The following ARFGEF2 variants were observed in gnomAD, a reference collection of about 807,000 sequenced individuals.
ARFGEF2 encodes the protein ARF guanine nucleotide exchange factor 2, also known as brefeldin A-inhibited guanine nucleotide-exchange protein 2.
In ARFGEF2, 74 loss-of-function variants were observed where a neutral mutation model predicts 219.9. That is an observed-to-expected ratio of 0.34 (90% confidence interval 0.28 to 0.41). The LOEUF is 0.41. Among genes scored for constraint, ARFGEF2 ranks in the 10% least tolerant of loss-of-function variants. The pLI is 1.00. For synonymous variants in ARFGEF2, 733 were observed against 799.2 expected, an observed-to-expected ratio of 0.92 and a Z score of 1.40; for missense variants, 1,743 against 2,218.3, an observed-to-expected ratio of 0.79 and a Z score of 4.30.
chr20:49,031,935 T>G, intron 37 of ARFGEF2, 114 bp from the exon 38 acceptor site: 1 of 901,856 alleles, frequency 1.1e-6, no homozygotes, highest in South Asian at 1.4e-5. Flanking sequence ...AAAAAGTAAT[T>G]AAAAAAAACA....
chr20:48,994,316 T>C (rs892821383), intron 21 of ARFGEF2, 135 bp from the exon 22 acceptor site: 50 of 1,031,376 alleles, frequency 4.8e-5, no homozygotes, highest in Non-Finnish European at 7.2e-5. Context: ...ATTGAGAGCT[T>C]ACTAAATTTG....
chr20:49,017,478 C>G lies in ARFGEF2; in HGVS notation c.4455-18C>G. ...GCCTTTCACATTGATTATTTTTTTT[C>G]TCTATTTTTTTCTTCAGTTTGCTGA... On this transcript the variant is annotated intron_variant, in intron 32 of 38. Coordinates refer to ENST00000371917, the MANE Select transcript of ARFGEF2 (RefSeq NM_006420.3). 7 of 1,590,080 alleles carry G rather than the reference C, an allele frequency of 4.4e-6. No individual in the cohort carries two copies. The South Asian group carries it at 7.8e-5, about 18-fold the overall frequency.
At chr20:49,002,331 G>T (rs1171275334) in intron 25 of ARFGEF2, among the ~76,000 whole-genome samples, 5 of 152,164 alleles carry the variant, frequency 3.3e-5, no homozygotes, top group African/African-American at 1.2e-4. Context: ...CACTCACATT[G>T]TTGGGCAACA....
intron 1 of ARFGEF2, 116 bp from the exon 2 acceptor site, chr20:48,941,083 G>A (rs928416913): frequency 2.4e-5 from 22 of 921,814 alleles, no homozygotes; most frequent in Non-Finnish European, 3.3e-5. Flanking sequence ...CAGCATTTTT[G>A]TATTTAAACA....
chr20:49,006,166 C>T (rs1429783945), intron 26 of ARFGEF2, among the ~76,000 whole-genome samples: 4 of 151,862 alleles, frequency 2.6e-5, no homozygotes, highest in East Asian at 1.9e-4. Context: ...TGGTGGTGGG[C>T]GCCTGTAATC....
chr20:49,016,172 T>C, intron 30 of ARFGEF2, 108 bp from the exon 31 acceptor site: 1 of 1,132,542 alleles, frequency 8.8e-7, no homozygotes, highest in Non-Finnish European at 1.3e-6. Context: ...GTATTCTTGA[T>C]ACATATCACC....
At chr20:48,936,515 GTCT>G (rs1198460671) in intron 1 of ARFGEF2, among the ~76,000 whole-genome samples, 7 of 151,936 alleles carry the variant, frequency 4.6e-5, no homozygotes, top group African/African-American at 1.7e-4. Flanking sequence ...CGGGCAGAGG[GTCT>G]CCTCACTTCT....
At chr20:48,931,725 G>GC (rs2090914786) in intron 1 of ARFGEF2, among the ~76,000 whole-genome samples, 2 of 152,158 alleles carry the variant, frequency 1.3e-5, no homozygotes, top group Admixed American at 6.5e-5. Flanking sequence ...AGGCCCCGGG[G>GC]CAGAAATGTG....
intron 26 of ARFGEF2, 70 bp from the exon 27 acceptor site, chr20:49,010,162 A>T: frequency 6.4e-7 from 1 of 1,551,528 alleles, no homozygotes; most frequent in Non-Finnish European, 8.8e-7. Context: ...CTTCTAAGGG[A>T]TGAGCTATGT....
chr20:48,951,492 C>G (rs2091070803), intron 4 of ARFGEF2, 23 bp downstream of exon 4: 2 of 1,613,800 alleles, frequency 1.2e-6, no homozygotes, highest in Admixed American at 1.7e-5. Flanking sequence ...GTTTGCCTGT[C>G]TGGTTTTTAA....
At chr20:49,006,263 C>CA (rs1310708299) in intron 26 of ARFGEF2, among the ~76,000 whole-genome samples, 1 of 152,018 alleles carries the variant, frequency 6.6e-6, no homozygotes, top group African/African-American at 2.4e-5. Context: ...CATTGCACTC[C>CA]AGCCTGGGCA....
At chr20:48,950,155 G>A (rs2091056427) in intron 3 of ARFGEF2, among the ~76,000 whole-genome samples, 1 of 152,136 alleles carries the variant, frequency 6.6e-6, no homozygotes, top group Non-Finnish European at 1.5e-5. Flanking sequence ...GTGTGAGGTG[G>A]CACAGACCAA....
chr20:49,003,140 G>A (rs2123495247), intron 25 of ARFGEF2, among the ~76,000 whole-genome samples: 1 of 146,404 alleles, frequency 6.8e-6, no homozygotes, highest in African/African-American at 2.6e-5. Context: ...GCTAATTTTT[G>A]TATTTTTAGT....
chr20:48,952,968 A>C lies in ARFGEF2; in HGVS notation c.603+84A>C. 2.1e-6 allele frequency: 3 copies of C among 1,421,346 alleles called. No homozygotes were observed. In the South Asian group the frequency reaches 3.5e-5, roughly 16 times the overall value. The allele number at this position is 1,421,346 out of a possible 1,614,324, so 88.0% of individuals were successfully genotyped here. A position where few individuals can be genotyped will look rare whatever the true frequency, so the allele number is the denominator to read the frequency against. On this transcript the variant is annotated intron_variant, in intron 5 of 38. Transcript: ENST00000371917. ...TGTGTGACCTTGGTGCCTGTGAAGA[A>C]TCACTAGCATTTTAAAGCTACCCCT...
intron 5 of ARFGEF2, among the ~76,000 whole-genome samples, 184 bp from the exon 6 acceptor site, chr20:48,953,372 C>T (rs2091083775): frequency 6.6e-6 from 1 of 151,912 alleles, no homozygotes; most frequent in Non-Finnish European, 1.5e-5. Flanking sequence ...GACAGAGTTT[C>T]ACCATGTTGC....
At chr20:48,930,097 C>G (rs2090903786) in intron 1 of ARFGEF2, among the ~76,000 whole-genome samples, 1 of 152,194 alleles carries the variant, frequency 6.6e-6, no homozygotes, top group Admixed American at 6.5e-5. Context: ...GAATGCTACT[C>G]ACTGGGCGAT....
At chr20:48,975,707 A>G (rs1280930888) in intron 13 of ARFGEF2, among the ~76,000 whole-genome samples, 2 of 149,694 alleles carry the variant, frequency 1.3e-5, no homozygotes, top group African/African-American at 2.5e-5. Context: ...AGGCTGAGGC[A>G]GGAGAACAGC....
At chr20:48,953,919 T>A (rs1823220595) in intron 6 of ARFGEF2, 129 bp downstream of exon 6, 1 of 977,712 alleles carries the variant, frequency 1.0e-6, no homozygotes, top group African/African-American at 1.6e-5. Flanking sequence ...TCTGGGCCTT[T>A]CCCTTTGCTT....
intron 26 of ARFGEF2, 62 bp from the exon 27 acceptor site, chr20:49,010,170 T>G (rs965808039): frequency 6.4e-7 from 1 of 1,570,580 alleles, no homozygotes; most frequent in African/African-American, 1.3e-5. Context: ...GGATGAGCTA[T>G]GTTCATTTCT....
Sources: gnomAD v4.1 joint callset for allele counts (sites outside exome capture counted in the v4.1 genomes callset) on GRCh38, gnomAD v4.1.1 for gene constraint, MANE v1.5 for transcripts, NCBI Gene and HGNC (gene_info 2026-07-23, HGNC 2026-07-21) for gene names.